The following CCSER1 variants were observed in gnomAD, a reference collection of about 807,000 sequenced individuals.
CCSER1 encodes coiled-coil serine rich protein 1, also known as serine-rich coiled-coil domain-containing protein 1.
In CCSER1, 41 loss-of-function variants were observed where a neutral mutation model predicts 82.0. That is an observed-to-expected ratio of 0.50 (90% CI 0.39 to 0.65). CCSER1 has a LOEUF of 0.65. Among genes scored for constraint, CCSER1 ranks in the 30% least tolerant of loss-of-function variants. CCSER1 has a pLI of 0.00. For missense variants in CCSER1, 1,119 were observed against 1,064.2 expected (o/e 1.05, Z -0.72); for synonymous variants, 414 against 383.9 (o/e 1.08, Z -0.92).
intron 10 of CCSER1, among the ~76,000 whole-genome samples, chr4:91,469,460 G>T (rs1319880336): frequency 6.6e-6 from 1 of 152,158 alleles, no homozygotes; most frequent in African/African-American, 2.4e-5. Flanking sequence ...CAACCACTGT[G>T]TGTTCACTCT....
chr4:91,593,913 C>G (rs1476795469), intron 10 of CCSER1, among the ~76,000 whole-genome samples: 2 of 152,014 alleles, frequency 1.3e-5, no homozygotes, highest in Non-Finnish European at 2.9e-5. Context: ...TATTTTCTTG[C>G]ATTTGATGAA....
At chr4:91,183,270 A>G (rs528386760) in intron 10 of CCSER1, among the ~76,000 whole-genome samples, 1 of 152,218 alleles carries the variant, frequency 6.6e-6, no homozygotes, top group Non-Finnish European at 1.5e-5. Flanking sequence ...AAAGAAGTCA[A>G]TATCTCAATT....
chr4:90,693,325 T>A (rs1036375425), intron 6 of CCSER1: 1 of 151,966 alleles, frequency 6.6e-6, no homozygotes, highest in African/African-American at 2.4e-5. Flanking sequence ...ATGTGAAAAT[T>A]GTTTATAGTA....
At chr4:90,510,799 C>A (rs956881577) in intron 5 of CCSER1, among the ~76,000 whole-genome samples, 2 of 152,072 alleles carry the variant, frequency 1.3e-5, no homozygotes, top group African/African-American at 2.4e-5. Context: ...AAGGATAGGC[C>A]CAGCAGTAGA....
At position 91,545,490 on chromosome 4, in the gene CCSER1, G is replaced by A. The variant is rs575013854; in HGVS notation, c.2218-53082G>A. Among the ~76,000 whole-genome samples the A allele has an allele frequency of 4.6e-5, 7 of 152,116 alleles. No individual in the cohort carries two copies. In the East Asian group the frequency reaches 5.8e-4, roughly 13 times the overall value. ...TTCACTACAGTTTTGTTTTCTTCCC[G>A]TGGATTTTGTATATAAATTGGTAGA... On this transcript the variant is annotated intron_variant, in intron 10 of 10. Transcript: ENST00000509176.
At chr4:90,709,906 G>A (rs1740181277) in intron 6 of CCSER1, among the ~76,000 whole-genome samples, 2 of 148,576 alleles carry the variant, frequency 1.3e-5, no homozygotes, top group South Asian at 4.2e-4. Flanking sequence ...CACCAACAGT[G>A]TAAAAACATT....
intron 10 of CCSER1, among the ~76,000 whole-genome samples, chr4:91,390,588 T>A (rs1751585956): frequency 6.6e-6 from 1 of 151,722 alleles, no homozygotes; most frequent in Non-Finnish European, 1.5e-5. Flanking sequence ...TAAAGTATTT[T>A]ATTTATATAT....
intron 10 of CCSER1, among the ~76,000 whole-genome samples, chr4:91,244,344 A>G (rs1025219895): frequency 1.1e-4 from 17 of 152,244 alleles, no homozygotes; most frequent in African/African-American, 4.1e-4. Flanking sequence ...GGAACTTACT[A>G]CCTTGAAGGG....
At chr4:90,869,061 T>C (rs750122997) in intron 8 of CCSER1, among the ~76,000 whole-genome samples, 4 of 152,104 alleles carry the variant, frequency 2.6e-5, no homozygotes, top group Non-Finnish European at 5.9e-5. Context: ...TATTAAGTTT[T>C]TTCCTATAGA....
chr4:91,263,827 A>G (rs1313604116), intron 10 of CCSER1, among the ~76,000 whole-genome samples: 2 of 151,962 alleles, frequency 1.3e-5, no homozygotes, highest in African/African-American at 4.8e-5. Context: ...CTACTTCAAT[A>G]TTAAGAGTTT....
chr4:91,540,660 G>A lies in CCSER1; in HGVS notation c.2218-57912G>A, dbSNP rs142933423. On this transcript the variant is annotated intron_variant, in intron 10 of 10. Coordinates refer to ENST00000509176, the MANE Select transcript of CCSER1 (RefSeq NM_001145065.2). The stretch of plus-strand genomic sequence containing the variant: ...CTAGGTTTTCTTCTGTTATCTTCAA[G>A]AGGTTTATAGCTTTGTGTTTTACAT... Among the ~76,000 whole-genome samples the A allele has an allele frequency of 4.2e-3, 634 of 152,194 alleles. 6 individuals are homozygous for A. Among genetic ancestry groups the A allele is most frequent in the African/African-American group, 0.015 (604 of 41,540 alleles).
intron 8 of CCSER1, among the ~76,000 whole-genome samples, chr4:90,817,743 GA>G (rs990963484): frequency 3.2e-4 from 48 of 151,986 alleles, no homozygotes; most frequent in African/African-American, 1.0e-3. Context: ...AACATGGTTG[GA>G]AAAAAAATTG....
At chr4:90,408,986 C>G (rs931759410) in intron 4 of CCSER1, among the ~76,000 whole-genome samples, 1 of 152,176 alleles carries the variant, frequency 6.6e-6, no homozygotes, top group East Asian at 1.9e-4. Context: ...GATGAATGCA[C>G]AAGCCTCAGT....
intron 9 of CCSER1, among the ~76,000 whole-genome samples, chr4:91,067,204 C>T (rs1720914497): frequency 6.6e-6 from 1 of 152,012 alleles, no homozygotes; most frequent in Admixed American, 6.6e-5. Flanking sequence ...CCACAGTCAG[C>T]ACTCAAAACA....
Position 91,588,023 on chromosome 4 carries a change from T to C in CCSER1, c.2218-10549T>C, listed in dbSNP as rs577490251. On this transcript the variant is annotated intron_variant, in intron 10 of 10. Coordinates refer to ENST00000509176, the MANE Select transcript of CCSER1 (RefSeq NM_001145065.2). ...AAAATAATTGACAATAAAATGAAAA[T>C]AATTGACAATTATTTTAGATCTTTG... Among the ~76,000 whole-genome samples, 11 of 151,684 alleles carry C rather than the reference T, an allele frequency of 7.3e-5. No homozygotes were observed. In the East Asian group the frequency reaches 2.1e-3, roughly 29 times the overall value.
At chr4:90,751,652 T>C (rs1302325545) in intron 7 of CCSER1, among the ~76,000 whole-genome samples, 1 of 152,124 alleles carries the variant, frequency 6.6e-6, no homozygotes, top group Non-Finnish European at 1.5e-5. Context: ...TATTATTTTC[T>C]ATTGTTTGCT....
chr4:90,242,645 C>T (rs528083340), intron 1 of CCSER1, among the ~76,000 whole-genome samples: 2 of 152,100 alleles, frequency 1.3e-5, no homozygotes, highest in Non-Finnish European at 2.9e-5. Context: ...GAAAACTAAG[C>T]TTACAAAAAT....
intron 6 of CCSER1, among the ~76,000 whole-genome samples, chr4:90,691,601 GT>G (rs1221896591): frequency 1.6e-5 from 2 of 127,690 alleles, no homozygotes; most frequent in Non-Finnish European, 3.6e-5. Flanking sequence ...TATCACATGT[GT>G]ATATATCACA....
At chr4:91,470,686 A>G (rs980233074) in intron 10 of CCSER1, among the ~76,000 whole-genome samples, 5 of 152,134 alleles carry the variant, frequency 3.3e-5, no homozygotes, top group Non-Finnish European at 5.9e-5. Flanking sequence ...TTTAGGTTGA[A>G]TATGGTATCA....
Sources: gnomAD v4.1 joint callset for allele counts (sites outside exome capture counted in the v4.1 genomes callset) on GRCh38, gnomAD v4.1.1 for gene constraint, MANE v1.5 for transcripts, NCBI Gene and HGNC (gene_info 2026-07-23, HGNC 2026-07-21) for gene names.